The following C1QTNF3 variants were observed in gnomAD, a reference collection of about 807,000 sequenced individuals.
C1QTNF3 encodes complement C1q tumor necrosis factor-related protein 3.
In C1QTNF3, 26 loss-of-function variants were observed where a neutral mutation model predicts 32.6. That is an observed-to-expected ratio of 0.80 (90% CI 0.58 to 1.11). C1QTNF3 has a LOEUF of 1.11. Ranked by LOEUF, C1QTNF3 falls within the 50% of genes least tolerant of loss-of-function variation. C1QTNF3 has a pLI of 0.00. For missense variants in C1QTNF3, 362 were observed against 398.2 expected (o/e 0.91, Z 0.77); for synonymous variants, 155 against 146.0 (o/e 1.06, Z -0.44).
intron 4 of C1QTNF3, among the ~76,000 whole-genome samples, chr5:34,027,773 C>CAAAAAAAAAAA (rs1561055679): frequency 6.9e-6 from 1 of 144,810 alleles, no homozygotes; most frequent in Admixed American, 6.9e-5. Context: ...GGAAACAACC[C>CAAAAAAAAAAA]AAATGTCCAG....
chr5:34,079,364 G>A, the C1QTNF3 span, among the ~76,000 whole-genome samples: 1 of 151,470 alleles, frequency 6.6e-6, no homozygotes, highest in Non-Finnish European at 1.5e-5. Context: ...GGATCATATG[G>A]TCATTCTATT....
the C1QTNF3 span, among the ~76,000 whole-genome samples, chr5:34,062,834 T>G: frequency 6.6e-6 from 1 of 152,236 alleles, no homozygotes; most frequent in Non-Finnish European, 1.5e-5. Flanking sequence ...GGCCCCATAC[T>G]TTAAGATTTT....
At chr5:34,167,238 G>C in the C1QTNF3 span, 1 of 152,062 alleles carries the variant, frequency 6.6e-6, no homozygotes, top group African/African-American at 2.4e-5. Flanking sequence ...AATTCTCTCC[G>C]TTCTCCATAG....
chr5:34,055,676 A>T, the C1QTNF3 span, among the ~76,000 whole-genome samples: 1 of 152,360 alleles, frequency 6.6e-6, no homozygotes, highest in Admixed American at 6.5e-5. Flanking sequence ...AAGGCTACAG[A>T]TTAATCACTG....
chr5:34,088,148 T>C, the C1QTNF3 span, among the ~76,000 whole-genome samples: 1 of 152,256 alleles, frequency 6.6e-6, no homozygotes, highest in African/African-American at 2.4e-5. Flanking sequence ...ATTTGCTTCA[T>C]TAAGATAATC....
chr5:34,046,473 T>G (rs1032261411), upstream of C1QTNF3, among the ~76,000 whole-genome samples: 2 of 152,176 alleles, frequency 1.3e-5, no homozygotes, highest in Non-Finnish European at 2.9e-5. Context: ...GAGAACACTA[T>G]GTGAAAATGA....
At chr5:34,121,599 T>C in the C1QTNF3 span, among the ~76,000 whole-genome samples, 1 of 152,156 alleles carries the variant, frequency 6.6e-6, no homozygotes, top group Admixed American at 6.5e-5. Flanking sequence ...CACTTGGGAA[T>C]TATGGGAGTA....
At chr5:34,087,579 T>A in the C1QTNF3 span, among the ~76,000 whole-genome samples, 4 of 135,916 alleles carry the variant, frequency 2.9e-5, no homozygotes, top group Non-Finnish European at 4.7e-5. Context: ...TCTTTTTTTT[T>A]TTTTTTTTTT....
At chr5:34,078,735 G>T in the C1QTNF3 span, among the ~76,000 whole-genome samples, 1 of 151,632 alleles carries the variant, frequency 6.6e-6, no homozygotes, top group Admixed American at 6.6e-5. This position sits in a 1 kb window ranked among gnomAD's most constrained non-coding sequence, Gnocchi z 4.0. Flanking sequence ...ACTCCCCTCT[G>T]TTTGTCCCAC....
chr5:34,023,205 C>A (rs899514020), intron 5 of C1QTNF3, among the ~76,000 whole-genome samples: 1 of 152,088 alleles, frequency 6.6e-6, no homozygotes, highest in Non-Finnish European at 1.5e-5. Context: ...CTGGCTTCCT[C>A]AAAAAACAGG....
chr5:34,136,554 A>G, the C1QTNF3 span, among the ~76,000 whole-genome samples: 3 of 152,258 alleles, frequency 2.0e-5, no homozygotes, highest in African/African-American at 7.2e-5. Flanking sequence ...TGTTGGTGGG[A>G]GTGTAAATTA....
the C1QTNF3 span, among the ~76,000 whole-genome samples, chr5:34,076,821 G>A: frequency 2.0e-5 from 3 of 151,392 alleles, no homozygotes; most frequent in Non-Finnish European, 2.9e-5. Context: ...GGGCATTCCC[G>A]TGTTGACCTT....
chr5:34,094,093 A>C, the C1QTNF3 span, among the ~76,000 whole-genome samples: 3 of 152,296 alleles, frequency 2.0e-5, no homozygotes, highest in Admixed American at 6.5e-5. Context: ...TAAGGCCCTT[A>C]AATATAATTG....
the C1QTNF3 span, among the ~76,000 whole-genome samples, chr5:34,103,599 C>G: frequency 7.8e-6 from 1 of 127,690 alleles, no homozygotes; most frequent in African/African-American, 3.2e-5. Context: ...TGGGAGGTCA[C>G]CTGAGGTCAG....
chr5:34,115,160 C>T, the C1QTNF3 span, among the ~76,000 whole-genome samples: 1 of 151,916 alleles, frequency 6.6e-6, no homozygotes, highest in Non-Finnish European at 1.5e-5. Flanking sequence ...TGCCAGCATT[C>T]CTTCTAAGAA....
chr5:34,135,087 G>A, the C1QTNF3 span, among the ~76,000 whole-genome samples: 1 of 152,090 alleles, frequency 6.6e-6, no homozygotes, highest in South Asian at 2.1e-4. Flanking sequence ...TTTGAGTTAC[G>A]TTCTATCAAT....
chr5:34,141,767 A>T, the C1QTNF3 span, among the ~76,000 whole-genome samples: 4 of 152,114 alleles, frequency 2.6e-5, no homozygotes, highest in African/African-American at 9.7e-5. Flanking sequence ...AAATGGTATA[A>T]ATTGCAGTTA....
the C1QTNF3 span, among the ~76,000 whole-genome samples, chr5:34,238,764 C>T: frequency 6.6e-6 from 1 of 151,862 alleles, no homozygotes; most frequent in East Asian, 1.9e-4. Flanking sequence ...GAGAGAGTGA[C>T]ATGTAAATCC....
the C1QTNF3 span, among the ~76,000 whole-genome samples, chr5:34,055,915 C>A: frequency 0.51 from 77,496 of 152,102 alleles, 22,063 homozygotes; most frequent in Non-Finnish European, 0.63. Flanking sequence ...GAAATACGGT[C>A]AATTGTCCTG....
Sources: allele counts gnomAD v4.1 joint callset (sites outside exome capture counted in the v4.1 genomes callset), GRCh38; gene constraint gnomAD v4.1.1; non-coding constraint Gnocchi (gnomAD v3.1); transcripts MANE v1.5; gene names NCBI Gene and HGNC (gene_info 2026-07-23, HGNC 2026-07-21).